TUBD1: variants seen among roughly 807,000 people sequenced by gnomAD.
TUBD1 encodes tubulin delta 1, also known as tubulin delta chain.
In TUBD1, 38 loss-of-function variants were observed where a neutral mutation model predicts 51.2. That is an observed-to-expected ratio of 0.74 (90% CI 0.57 to 0.97). The LOEUF is 0.97. TUBD1 is among the 50% of genes least tolerant of loss of function. TUBD1 has a pLI of 0.00. For synonymous variants in TUBD1, 169 were observed against 178.2 expected, an observed-to-expected ratio of 0.95 and a Z score of 0.41; for missense variants, 489 against 538.4, an observed-to-expected ratio of 0.91 and a Z score of 0.91.
In TUBD1 at chr17:59,878,275, G is replaced by A. The variant is rs774138544; in HGVS notation, c.597C>T (p.Asp199=). The change falls in exon 5 of 9, where the codon GAC becomes GAT. Residue 199 remains aspartate (D), a synonymous_variant. Coordinates refer to ENST00000325752, the MANE Select transcript of TUBD1 (RefSeq NM_016261.4). ...CATCATTCTCATGAAGAAGGAGGGC[G>A]TCTGAAGATCGGTACAAGTGAGAAA... ...LTLSHLYRSS[D]ALLLHENDAI... 7.4e-6 allele frequency: 12 copies of A among 1,613,920 alleles called. No individual in the cohort carries two copies. Among genetic ancestry groups the A allele is most frequent in the Middle Eastern group, 1.6e-4 (1 of 6,084 alleles).
intron 5 of TUBD1, 70 bp from the exon 6 acceptor site, chr17:59,874,773 C>A: frequency 7.4e-7 from 1 of 1,344,712 alleles, no homozygotes; most frequent in South Asian, 1.3e-5. Context: ...TATATATAAC[C>A]ATGATTTGAA....
At chr17:59,861,821 C>T (rs538753500) in intron 8 of TUBD1, among the ~76,000 whole-genome samples, 22 of 151,702 alleles carry the variant, frequency 1.5e-4, no homozygotes, top group Admixed American at 8.5e-4. Context: ...GTGCCCGCCA[C>T]CACGCCCAGC....
chr17:59,886,185 A>G lies in TUBD1; in HGVS notation c.218T>C (p.Ile73Thr), dbSNP rs748565505. The G allele has an allele frequency of 8.3e-5, 134 of 1,613,836 alleles. No homozygotes were observed. Among genetic ancestry groups the G allele is most frequent in the Admixed American group, 1.7e-4 (10 of 59,944 alleles). ...GGCAGCCTTTGACAGCATTTGATTG[A>G]TAACTTTGGGTTCCATGTCAACAAG... is the stretch of plus-strand genomic sequence containing the variant. ...AVLVDMEPKV[I>T]NQMLSKAAQS... is the part of the protein sequence containing the mutation. Residue 73 changes from isoleucine to threonine, a missense_variant, in exon 3 of 9, where the codon ATC (isoleucine) becomes ACC (threonine). Ile to Thr is a moderately conservative substitution (Grantham distance 89, BLOSUM62 -1). Coordinates refer to ENST00000325752, the MANE Select transcript of TUBD1 (RefSeq NM_016261.4).
chr17:59,888,240 C>T (rs1299763384), intron 2 of TUBD1, among the ~76,000 whole-genome samples: 1 of 152,000 alleles, frequency 6.6e-6, no homozygotes, highest in Non-Finnish European at 1.5e-5. Flanking sequence ...CGGCCGATGT[C>T]TTTTTAAACA....
At chr17:59,879,496 C>T (rs1162508536) in intron 4 of TUBD1, among the ~76,000 whole-genome samples, 1 of 152,032 alleles carries the variant, frequency 6.6e-6, no homozygotes. Flanking sequence ...AGTACAGTGA[C>T]ATGATCTAGG....
intron 3 of TUBD1, 168 bp from the exon 4 acceptor site, chr17:59,881,278 T>A: frequency 1.7e-6 from 1 of 602,228 alleles, no homozygotes. Flanking sequence ...AATACATAAG[T>A]TGAATATATT....
chr17:59,866,737 T>A lies in TUBD1; in HGVS notation c.947A>T (p.His316Leu), dbSNP rs554795123. 8 of 1,612,126 alleles carry A rather than the reference T, an allele frequency of 5.0e-6. No individual in the cohort carries two copies. The highest frequency in any genetic ancestry group is 6.8e-6 in the Non-Finnish European group (8 of 1,179,514). ...AAGTCCTGATAAAGGAGGCCATACATGCCTATCAATACCTACCAAAAGAAA... is the reference window on the plus strand; with the variant it reads ...AAGTCCTGATAAAGGAGGCCATACAAGCCTATCAATACCTACCAAAAGAAA... ...NAKMEEGIDR[H>L]VWPPLSGLPP... Residue 316 changes from histidine to leucine, a missense_variant, in exon 7 of 9, where the codon CAT becomes CTT. Physicochemically the swap from His to Leu is moderately conservative, Grantham distance 99 (BLOSUM62 -3). Transcript: ENST00000325752.
Position 59,881,026 on chromosome 17 carries a change from A to G in TUBD1, c.405T>C (p.Gly135=), listed in dbSNP as rs772143464. 1 of 1,614,078 alleles carries G rather than the reference A, an allele frequency of 6.2e-7. No homozygotes were observed. The highest frequency in any genetic ancestry group is 1.7e-5 in the Admixed American group (1 of 59,996). ...CAGCCATACTCATTATGATGAAAAA[A>G]CCACTGAAAGAGTCACATTTCTCCA... is the stretch of plus-strand genomic sequence containing the variant. ...KEVEKCDSFS[G]FFIIMSMAGG... The change falls in exon 4 of 9, where the codon GGT becomes GGC. Residue 135 remains glycine (G), a synonymous_variant. Transcript: ENST00000325752.
intron 8 of TUBD1, among the ~76,000 whole-genome samples, chr17:59,863,325 A>T (rs2039546182): frequency 6.6e-6 from 1 of 152,108 alleles, no homozygotes; most frequent in Admixed American, 6.6e-5. Flanking sequence ...TAAGTTAGAA[A>T]GGCTGCAGTG....
intron 6 of TUBD1, among the ~76,000 whole-genome samples, chr17:59,869,192 C>T (rs555617002): frequency 1.6e-4 from 25 of 151,536 alleles, no homozygotes; most frequent in African/African-American, 5.8e-4. Flanking sequence ...ATGCTGACAC[C>T]CGGCCGGGCA....
chr17:59,882,307 G>T (rs555882667), intron 3 of TUBD1, among the ~76,000 whole-genome samples: 2 of 151,518 alleles, frequency 1.3e-5, no homozygotes, highest in African/African-American at 2.4e-5. Flanking sequence ...TTTTTGAGGC[G>T]GAGTCTCGCT....
chr17:59,865,556 G>T (rs1222770814), intron 7 of TUBD1, among the ~76,000 whole-genome samples: 1 of 152,110 alleles, frequency 6.6e-6, no homozygotes, highest in African/African-American at 2.4e-5. Flanking sequence ...CTCCAGCCTG[G>T]GTGACAGAGT....
At chr17:59,872,624 G>A (rs1568297110) in intron 6 of TUBD1, among the ~76,000 whole-genome samples, 1 of 151,722 alleles carries the variant, frequency 6.6e-6, no homozygotes, top group Non-Finnish European at 1.5e-5. Context: ...AAGAATGAAG[G>A]TAATTGTGTT....
chr17:59,886,870 G>C (rs1308777345), intron 2 of TUBD1, among the ~76,000 whole-genome samples: 1 of 151,236 alleles, frequency 6.6e-6, no homozygotes, highest in African/African-American at 2.4e-5. Flanking sequence ...GGCCAACATG[G>C]TGAAATCCCG....
intron 5 of TUBD1, 130 bp downstream of exon 5, chr17:59,877,973 G>A (rs1366915624): frequency 2.8e-6 from 2 of 713,994 alleles, no homozygotes; most frequent in Admixed American, 2.9e-5. Context: ...ACTAGCAGAT[G>A]TGAAGAAAGG....
intron 3 of TUBD1, 142 bp from the exon 4 acceptor site, chr17:59,881,252 G>A: frequency 1.5e-6 from 1 of 658,880 alleles, no homozygotes; most frequent in East Asian, 2.7e-5. Flanking sequence ...CAGGTACCCT[G>A]ACTGACAAAA....
rs544889631 is a variant in TUBD1 at position 59,888,725 on chromosome 17, G to T, written c.172+2106C>A. On this transcript the variant is annotated intron_variant, in intron 2 of 8. Coordinates refer to ENST00000325752, the MANE Select transcript of TUBD1 (RefSeq NM_016261.4). ...AGGTTCAAGGAGAGAGTTGTTTTTTGTCTTTTTTTTTTCTTTTTTGAGACG... is the reference window on the plus strand; with the variant it reads ...AGGTTCAAGGAGAGAGTTGTTTTTTTTCTTTTTTTTTTCTTTTTTGAGACG... Among the ~76,000 whole-genome samples, 20 of 147,958 alleles carry T rather than the reference G, an allele frequency of 1.4e-4. No individual in the cohort carries two copies. In the East Asian group the frequency reaches 3.6e-3, roughly 26 times the overall value.
intron 6 of TUBD1, among the ~76,000 whole-genome samples, chr17:59,871,431 CTCA>C (rs977333872): frequency 9.9e-5 from 15 of 152,124 alleles, no homozygotes; most frequent in African/African-American, 3.6e-4. Flanking sequence ...GATCTCTGAC[CTCA>C]TGTTTCACCT....
chr17:59,881,906 T>C (rs1033685973), intron 3 of TUBD1, among the ~76,000 whole-genome samples: 59 of 152,054 alleles, frequency 3.9e-4, no homozygotes, highest in Non-Finnish European at 6.0e-4. Flanking sequence ...TGAACTCAGA[T>C]GATCAGCCTG....
Sources: gnomAD v4.1 joint callset for allele counts (sites outside exome capture counted in the v4.1 genomes callset) on GRCh38, gnomAD v4.1.1 for gene constraint, MANE v1.5 for transcripts, NCBI Gene and HGNC (gene_info 2026-07-23, HGNC 2026-07-21) for gene names.